Variants in TMCO6 observed in about 807,000 individuals in gnomAD.
TMCO6 encodes transmembrane and coiled-coil domains 6.
In TMCO6, 47 loss-of-function variants were observed where a neutral mutation model predicts 61.8. The observed-to-expected ratio is 0.76, with a 90% CI of 0.60 to 0.97. TMCO6 has a LOEUF of 0.97. Among genes scored for constraint, TMCO6 ranks in the 50% least tolerant of loss-of-function variants. TMCO6 has a pLI of 0.00. For missense variants in TMCO6, 557 were observed against 601.6 expected (o/e 0.93, Z 0.78); for synonymous variants, 261 against 254.2 (o/e 1.03, Z -0.25).
At chr5:140,625,099 G>A in the TMCO6 span, among the ~76,000 whole-genome samples, 786 of 151,720 alleles carry the variant, frequency 5.2e-3, 5 homozygotes, top group African/African-American at 0.018. Flanking sequence ...TAATACATCC[G>A]CCTTGGCCTC....
the TMCO6 span, among the ~76,000 whole-genome samples, chr5:140,610,333 G>C: frequency 6.6e-6 from 1 of 152,016 alleles, no homozygotes; most frequent in Non-Finnish European, 1.5e-5. Flanking sequence ...CTCCAGCCTG[G>C]CGACGGCACA....
the TMCO6 span, among the ~76,000 whole-genome samples, chr5:140,613,409 A>C: frequency 7.5e-6 from 1 of 132,840 alleles, no homozygotes; most frequent in East Asian, 2.3e-4. Flanking sequence ...AAAAAAAAAA[A>C]AAAAAAATGG....
chr5:140,626,121 C>T, the TMCO6 span, among the ~76,000 whole-genome samples: 1 of 152,118 alleles, frequency 6.6e-6, no homozygotes, highest in African/African-American at 2.4e-5. Context: ...ACTGATGGCT[C>T]CCAAATTCTT....
chr5:140,640,441 C>T (rs1756950769), intron 2 of TMCO6, among the ~76,000 whole-genome samples: 1 of 149,614 alleles, frequency 6.7e-6, no homozygotes, highest in African/African-American at 2.5e-5. Context: ...GACTCTCGCT[C>T]TGTCGCCAGG....
At chr5:140,618,359 G>T in the TMCO6 span, among the ~76,000 whole-genome samples, 1 of 152,154 alleles carries the variant, frequency 6.6e-6, no homozygotes, top group Non-Finnish European at 1.5e-5. Context: ...AACCTGGGAG[G>T]TGGAGGTTGT....
At chr5:140,631,533 T>G in the TMCO6 span, among the ~76,000 whole-genome samples, 3 of 152,150 alleles carry the variant, frequency 2.0e-5, no homozygotes, top group Non-Finnish European at 4.4e-5. Flanking sequence ...GCACACTCAT[T>G]GTTTCTCCCA....
Position 140,641,923 on chromosome 5 carries a change from T to C in TMCO6, c.368T>C (p.Leu123Pro), listed in dbSNP as rs1757063825. Residue 123 changes from leucine (L) to proline (P), a missense_variant, in exon 4 of 12, where the codon CTG becomes CCG. Coordinates refer to ENST00000394671, the MANE Select transcript of TMCO6 (RefSeq NM_018502.5). ...LVGLLTSNQA[L>P]LQLEAARCLH... ...GGGCTCCTGACCAGCAACCAGGCCC[T>C]GCTGCAGCTTGAGGCGGCTCGGTGC... 6.2e-7 allele frequency: 1 copy of C among 1,613,812 alleles called. No homozygotes were observed. The highest frequency in any genetic ancestry group is 8.5e-7 in the Non-Finnish European group (1 of 1,179,708).
the TMCO6 span, among the ~76,000 whole-genome samples, chr5:140,622,233 C>G: frequency 6.6e-6 from 1 of 152,076 alleles, no homozygotes; most frequent in South Asian, 2.1e-4. Context: ...TTGTACTGTC[C>G]CTTTGTTTCT....
the TMCO6 span, among the ~76,000 whole-genome samples, chr5:140,615,918 G>A: frequency 2.6e-5 from 4 of 152,218 alleles, no homozygotes; most frequent in African/African-American, 9.6e-5. Flanking sequence ...GGATCACGAG[G>A]TCAGGATTTC....
chr5:140,641,290 T>C (rs969631309), intron 2 of TMCO6: 2 of 175,728 alleles, frequency 1.1e-5, no homozygotes, highest in Non-Finnish European at 1.2e-5. Flanking sequence ...AAAAAGCTCA[T>C]GTTAGGCTGG....
downstream of TMCO6, chr5:140,645,524 A>G (rs2149800715): frequency 1.9e-6 from 3 of 1,599,666 alleles, no homozygotes; most frequent in Non-Finnish European, 2.6e-6. Context: ...TTTTTTTCAC[A>G]TTATACTAAG....
rs768848338 is a variant in TMCO6, at chr5:140,639,846, A to G, written c.193A>G (p.Thr65Ala). ...ATGTGTGGCTGCGATCCTCGGGGAAACCGAGGTGAGGGGGCAAGGTAGGGT... is the reference window on the plus strand; with the variant it reads ...ATGTGTGGCTGCGATCCTCGGGGAAGCCGAGGTGAGGGGGCAAGGTAGGGT... The part of the protein sequence containing the change: ...EGCVAAILGE[T>A]EVQQFLRQAQ... The change falls in exon 2 of 12, where the codon ACC becomes GCC. Residue 65 changes from threonine (T) to alanine (A), a missense_variant. Physicochemically the swap from Thr to Ala is moderately conservative, Grantham distance 58. Coordinates refer to ENST00000394671, the MANE Select transcript of TMCO6 (RefSeq NM_018502.5). The G allele has an allele frequency of 8.1e-6, 13 of 1,603,844 alleles. No individual in the cohort carries two copies. The highest frequency in any genetic ancestry group is 6.8e-5 in the South Asian group (6 of 88,790).
At chr5:140,608,668 T>C in the TMCO6 span, among the ~76,000 whole-genome samples, 2 of 152,246 alleles carry the variant, frequency 1.3e-5, no homozygotes, top group African/African-American at 4.8e-5. Flanking sequence ...GTGGAATTAA[T>C]TTTTGTATAT....
At chr5:140,645,843 C>A, downstream of TMCO6, 1 of 1,246,996 alleles carries the variant, frequency 8.0e-7, no homozygotes, top group South Asian at 1.3e-5. Flanking sequence ...CAATAGGTCT[C>A]AAACACATCT....
At chr5:140,628,341 G>A in the TMCO6 span, among the ~76,000 whole-genome samples, 1 of 152,102 alleles carries the variant, frequency 6.6e-6, no homozygotes, top group African/African-American at 2.4e-5. Flanking sequence ...CTGAAATTGC[G>A]GCCCAGCAGG....
chr5:140,631,798 G>A, the TMCO6 span: 2 of 1,471,372 alleles, frequency 1.4e-6, no homozygotes, highest in African/African-American at 1.4e-5. Flanking sequence ...TCAACGTCCT[G>A]ACGGGACTCC....
At chr5:140,628,989 T>C in the TMCO6 span, among the ~76,000 whole-genome samples, 2 of 152,066 alleles carry the variant, frequency 1.3e-5, no homozygotes, top group East Asian at 1.9e-4. Flanking sequence ...AAACTTTAGG[T>C]TGGGTGCAGT....
the TMCO6 span, chr5:140,632,455 T>C: frequency 1.9e-6 from 3 of 1,614,196 alleles, no homozygotes; most frequent in Non-Finnish European, 2.5e-6. This position sits in a 1 kb window ranked among gnomAD's most constrained non-coding sequence, Gnocchi z 6.2. Context: ...GCTTGGGCAA[T>C]GCTCAGTACC....
At chr5:140,626,399 A>G in the TMCO6 span, among the ~76,000 whole-genome samples, 1 of 151,950 alleles carries the variant, frequency 6.6e-6, no homozygotes, top group Middle Eastern at 3.2e-3. Flanking sequence ...TACCCTTTAT[A>G]TATTTTTTCT....
Sources: gnomAD v4.1 joint callset for allele counts (sites outside exome capture counted in the v4.1 genomes callset) on GRCh38, gnomAD v4.1.1 for gene constraint, Gnocchi (gnomAD v3.1) non-coding constraint, MANE v1.5 for transcripts, NCBI Gene and HGNC (gene_info 2026-07-23, HGNC 2026-07-21) for gene names.